The following TTLL5 variants were observed in gnomAD, a reference collection of about 807,000 sequenced individuals.
TTLL5 encodes the protein tubulin polyglutamylase TTLL5.
In TTLL5, 132 loss-of-function variants were observed where a neutral mutation model predicts 168.4. That is an observed-to-expected ratio of 0.78 (90% confidence interval 0.68 to 0.91). TTLL5 has a LOEUF of 0.91. Ranked by LOEUF, TTLL5 falls within the 40% of genes least tolerant of loss-of-function variation. The pLI is 0.00. For synonymous variants in TTLL5, 546 were observed against 558.6 expected (o/e 0.98, Z 0.32); for missense variants, 1,545 against 1,581.5 (o/e 0.98, Z 0.39).
chr14:75,823,627 T>G (rs1894957642), intron 28 of TTLL5, among the ~76,000 whole-genome samples: 1 of 152,176 alleles, frequency 6.6e-6, no homozygotes, highest in Admixed American at 6.6e-5. Flanking sequence ...TTTATCCACC[T>G]CTGGCTTTTT....
intron 19 of TTLL5, among the ~76,000 whole-genome samples, chr14:75,765,835 C>T (rs989718147): frequency 6.6e-6 from 1 of 152,136 alleles, no homozygotes; most frequent in Non-Finnish European, 1.5e-5. Flanking sequence ...GCCCTCCAGC[C>T]TGGGCAACAG....
At chr14:75,900,312 A>AT (rs1456052739) in intron 30 of TTLL5, among the ~76,000 whole-genome samples, 2 of 152,014 alleles carry the variant, frequency 1.3e-5, no homozygotes, top group East Asian at 3.9e-4. Flanking sequence ...TAGGCCCCAA[A>AT]TTGCTTGCCA....
rs148157648 is a variant in TTLL5 at position 75,734,847 on chromosome 14, C to A, written c.1187-348C>A. ...TTTCCAGTCATCATCCAGGTAGCCA[C>A]TTTAAAGTAACTTGTTTTTATTAAC... On this transcript the variant is annotated intron_variant, in intron 14 of 31. Transcript: ENST00000298832. Among the ~76,000 whole-genome samples the A allele has an allele frequency of 4.1e-3, 626 of 152,346 alleles. 3 individuals carry two copies. Among genetic ancestry groups the A allele is most frequent in the Middle Eastern group, 0.02 (6 of 294 alleles).
chr14:75,669,612 A>G (rs1883558135), intron 3 of TTLL5, 90 bp downstream of exon 3: 1 of 1,062,868 alleles, frequency 9.4e-7, no homozygotes, highest in African/African-American at 1.6e-5. Flanking sequence ...TATATAGGGA[A>G]AGGGCCTTGG....
At chr14:75,737,447 G>C in intron 15 of TTLL5, 4 of 960,932 alleles carry the variant, frequency 4.2e-6, no homozygotes, top group Non-Finnish European at 6.0e-6. Context: ...TAGGGCTCTT[G>C]CTTTTGGTTT....
At chr14:75,920,735 A>G (rs1309824207) in intron 31 of TTLL5, among the ~76,000 whole-genome samples, 2 of 152,238 alleles carry the variant, frequency 1.3e-5, no homozygotes, top group Non-Finnish European at 2.9e-5. Flanking sequence ...TTATAGTAGC[A>G]TGATTTATAA....
chr14:75,838,741 A>C, intron 28 of TTLL5: 1 of 152,780 alleles, frequency 6.5e-6, no homozygotes, highest in East Asian at 1.9e-4. Flanking sequence ...AGGGTGAGGC[A>C]CATCAGCACA....
At chr14:75,693,244 T>A (rs760523166) in intron 6 of TTLL5, among the ~76,000 whole-genome samples, 44 of 152,140 alleles carry the variant, frequency 2.9e-4, no homozygotes, top group Non-Finnish European at 1.0e-4. Context: ...TGATGAGGTC[T>A]TATGCCAGGA....
intron 27 of TTLL5, among the ~76,000 whole-genome samples, chr14:75,801,249 G>C (rs1472796681): frequency 6.6e-6 from 1 of 152,080 alleles, no homozygotes; most frequent in African/African-American, 2.4e-5. Flanking sequence ...ATGGAGTTAC[G>C]TTCCCAGAGG....
chr14:75,840,683 A>G (rs997514862), intron 28 of TTLL5, among the ~76,000 whole-genome samples: 2 of 152,150 alleles, frequency 1.3e-5, no homozygotes, highest in Non-Finnish European at 2.9e-5. Context: ...AAGGCATTCT[A>G]TAGGGTTTAT....
chr14:75,860,313 A>T (rs1477549765), intron 28 of TTLL5, among the ~76,000 whole-genome samples: 1 of 152,174 alleles, frequency 6.6e-6, no homozygotes, highest in Non-Finnish European at 1.5e-5. Context: ...TCAGACTTTG[A>T]TTTCTGATAC....
At chr14:75,925,961 A>C (rs2034042261) in intron 31 of TTLL5, among the ~76,000 whole-genome samples, 1 of 151,488 alleles carries the variant, frequency 6.6e-6, no homozygotes, top group South Asian at 2.1e-4. Context: ...GAGGCAGGAG[A>C]ATCAGGCAGG....
chr14:75,838,998 C>T (rs1283885049), intron 28 of TTLL5: 1 of 152,860 alleles, frequency 6.5e-6, no homozygotes, highest in African/African-American at 2.4e-5. Flanking sequence ...TTCAAAACCT[C>T]ACCTGTGAGA....
intron 15 of TTLL5, among the ~76,000 whole-genome samples, chr14:75,738,376 C>T (rs1374130122): frequency 2.6e-5 from 4 of 152,106 alleles, no homozygotes; most frequent in Admixed American, 6.5e-5. Flanking sequence ...TTTATTTTGG[C>T]GTTTGTACTC....
intron 31 of TTLL5, chr14:75,906,455 G>A: frequency 1.1e-6 from 1 of 887,174 alleles, no homozygotes; most frequent in Non-Finnish European, 1.4e-6. Context: ...TTATCTGGGG[G>A]AACGGTGATC....
chr14:75,802,155 A>G (rs536978580), intron 27 of TTLL5, among the ~76,000 whole-genome samples: 7 of 151,840 alleles, frequency 4.6e-5, no homozygotes, highest in African/African-American at 1.7e-4. Context: ...TATTCATTCT[A>G]TTGTTTTCTA....
intron 30 of TTLL5, among the ~76,000 whole-genome samples, chr14:75,890,410 CA>C (rs1249556589): frequency 6.6e-6 from 1 of 151,802 alleles, no homozygotes; most frequent in African/African-American, 2.4e-5. Flanking sequence ...ATACTTCTGC[CA>C]GAAGAATAAG....
At chr14:75,754,451 A>G (rs1890127168) in intron 18 of TTLL5, among the ~76,000 whole-genome samples, 1 of 152,192 alleles carries the variant, frequency 6.6e-6, no homozygotes, top group African/African-American at 2.4e-5. Context: ...TTTGCTTCAC[A>G]GGTTATATAG....
chr14:75,899,349 G>C (rs937832755), intron 30 of TTLL5, among the ~76,000 whole-genome samples: 17 of 152,212 alleles, frequency 1.1e-4, no homozygotes, highest in African/African-American at 4.1e-4. Context: ...TGACATGCAG[G>C]CTCTAGACAA....
Sources: allele counts gnomAD v4.1 joint callset (sites outside exome capture counted in the v4.1 genomes callset), GRCh38; gene constraint gnomAD v4.1.1; transcripts MANE v1.5; gene names NCBI Gene and HGNC (gene_info 2026-07-23, HGNC 2026-07-21).